Variants in FANCC observed in about 807,000 individuals in gnomAD.
FANCC encodes FA complementation group C.
A neutral mutation model predicts 71.3 loss-of-function variants in FANCC; 55 were observed. That is an observed-to-expected ratio of 0.77 (90% CI 0.62 to 0.97). FANCC has a LOEUF of 0.97. Ranked by LOEUF, FANCC falls within the 50% of genes least tolerant of loss-of-function variation. FANCC has a pLI of 0.00. For synonymous variants in FANCC, 275 were observed against 244.9 expected, an observed-to-expected ratio of 1.12 and a Z score of -1.15; for missense variants, 678 against 670.9, an observed-to-expected ratio of 1.01 and a Z score of -0.12.
At chr9:95,182,980 T>C (rs1408109007) in intron 4 of FANCC, among the ~76,000 whole-genome samples, 2 of 152,024 alleles carry the variant, frequency 1.3e-5, no homozygotes, top group Admixed American at 6.6e-5. Flanking sequence ...AGCCTGCCCC[T>C]ACATGGCCTC....
chr9:95,245,419 A>G (rs1830903252), intron 3 of FANCC, among the ~76,000 whole-genome samples: 2 of 152,050 alleles, frequency 1.3e-5, no homozygotes, highest in African/African-American at 2.4e-5. Flanking sequence ...TGAGAATAGT[A>G]CCAAACCTTA....
chr9:95,107,476 G>A (rs552644905), intron 13 of FANCC: 92 of 630,554 alleles, frequency 1.5e-4, no homozygotes, highest in Admixed American at 3.3e-4. Context: ...CTTTCGTCTT[G>A]CTCACCAAGC....
At chr9:95,260,424 G>A (rs925753031) in intron 1 of FANCC, among the ~76,000 whole-genome samples, 1 of 152,140 alleles carries the variant, frequency 6.6e-6, no homozygotes, top group Non-Finnish European at 1.5e-5. Context: ...GTCATTCTCA[G>A]CAACCAACAC....
At chr9:95,296,315 T>C (rs191205836) in intron 1 of FANCC, among the ~76,000 whole-genome samples, 34 of 151,992 alleles carry the variant, frequency 2.2e-4, no homozygotes, top group Non-Finnish European at 3.7e-4. Context: ...GCCTGAAAAA[T>C]AGAAAAGTAG....
chr9:95,141,740 C>A (rs1450561095), intron 7 of FANCC, among the ~76,000 whole-genome samples: 1 of 152,062 alleles, frequency 6.6e-6, no homozygotes, highest in East Asian at 1.9e-4. Flanking sequence ...ACTACTAATA[C>A]ATAAGTTAGT....
intron 6 of FANCC, among the ~76,000 whole-genome samples, chr9:95,152,461 C>T (rs1352182262): frequency 6.6e-6 from 1 of 152,158 alleles, no homozygotes; most frequent in Non-Finnish European, 1.5e-5. Context: ...AAGCAAAGGC[C>T]CTCAGCATCT....
At chr9:95,170,637 C>CTTGTGTGTGT (rs1554842444) in intron 6 of FANCC, among the ~76,000 whole-genome samples, 1 of 124,290 alleles carries the variant, frequency 8.0e-6, no homozygotes, top group African/African-American at 3.0e-5. Flanking sequence ...TTGTAAATAT[C>CTTGTGTGTGT]GTGTGTGTGT....
intron 6 of FANCC, among the ~76,000 whole-genome samples, chr9:95,160,793 G>A (rs1830700288): frequency 1.3e-5 from 2 of 152,114 alleles, no homozygotes; most frequent in Admixed American, 1.3e-4. Context: ...TGTAGCAATT[G>A]TGAGTGGGAG....
rs879492 is a variant in FANCC at position 95,111,057 on chromosome 9, G to A, written c.1329+406C>T. ...GTCAAGATGGAAGCAAGCCCTGGCC[G>A]GGCTGCTGGGGAGCGAGACAGGGCC... On this transcript the variant is annotated intron_variant, in intron 13 of 14. Transcript: ENST00000289081. 0.4 allele frequency: 596,468 copies of A among 1,475,486 alleles called. 123,342 individuals are homozygous for A. Among genetic ancestry groups the A allele is most frequent in the East Asian group, 0.57 (22,985 of 40,194 alleles). 91.4% of individuals were successfully genotyped at this position (1,475,486 alleles called of 1,614,324 possible).
chr9:95,278,502 A>C (rs1020399724), intron 1 of FANCC, among the ~76,000 whole-genome samples: 2 of 152,176 alleles, frequency 1.3e-5, no homozygotes, highest in Non-Finnish European at 2.9e-5. Flanking sequence ...CTCTCCACCC[A>C]ACAACAGAAC....
At chr9:95,288,566 G>C (rs1366353786) in intron 1 of FANCC, among the ~76,000 whole-genome samples, 1 of 152,008 alleles carries the variant, frequency 6.6e-6, no homozygotes, top group Non-Finnish European at 1.5e-5. Flanking sequence ...GTTCTTATAG[G>C]TCAACTGAGT....
At chr9:95,181,404 T>C (rs1309817323) in intron 4 of FANCC, among the ~76,000 whole-genome samples, 3 of 152,196 alleles carry the variant, frequency 2.0e-5, no homozygotes, top group Non-Finnish European at 4.4e-5. Flanking sequence ...TAAATATTGA[T>C]GAGCATTTCT....
chr9:95,169,291 A>G (rs1465364676), intron 6 of FANCC, among the ~76,000 whole-genome samples: 2 of 152,322 alleles, frequency 1.3e-5, no homozygotes, highest in African/African-American at 4.8e-5. Flanking sequence ...ATCATATATG[A>G]TAAGTGCTTA....
At chr9:95,129,103 G>T (rs1428568654) in intron 8 of FANCC, among the ~76,000 whole-genome samples, 1 of 151,854 alleles carries the variant, frequency 6.6e-6, no homozygotes, top group East Asian at 1.9e-4. Context: ...GGGTTTCACC[G>T]TGTTGGCCAG....
chr9:95,246,045 T>C (rs1830954626), intron 3 of FANCC, among the ~76,000 whole-genome samples: 2 of 152,218 alleles, frequency 1.3e-5, no homozygotes, highest in African/African-American at 4.8e-5. Flanking sequence ...TCACTGTGTG[T>C]GTGCATATCC....
chr9:95,275,853 C>G (rs545467968), intron 1 of FANCC, among the ~76,000 whole-genome samples: 1 of 151,952 alleles, frequency 6.6e-6, no homozygotes, highest in Admixed American at 6.5e-5. Context: ...ACCTCAGTCT[C>G]TAAAAAGAAA....
intron 4 of FANCC, among the ~76,000 whole-genome samples, chr9:95,235,752 G>C (rs189958597): frequency 3.4e-5 from 5 of 147,434 alleles, no homozygotes; most frequent in Admixed American, 6.9e-5. Flanking sequence ...GCTGAGACAG[G>C]AGAGCTGCTT....
intron 11 of FANCC, among the ~76,000 whole-genome samples, chr9:95,114,986 G>A (rs2072270461): frequency 6.6e-6 from 1 of 152,168 alleles, no homozygotes; most frequent in African/African-American, 2.4e-5. Context: ...TTGGTCAGAG[G>A]CTGGAGTGCA....
intron 3 of FANCC, among the ~76,000 whole-genome samples, chr9:95,243,511 G>A (rs746363347): frequency 1.3e-5 from 2 of 151,996 alleles, no homozygotes; most frequent in African/African-American, 2.4e-5. Flanking sequence ...TGGGCCAGGC[G>A]TGGTGGTTCA....
Sources: allele counts gnomAD v4.1 joint callset (sites outside exome capture counted in the v4.1 genomes callset), GRCh38; gene constraint gnomAD v4.1.1; transcripts MANE v1.5; gene names NCBI Gene and HGNC (gene_info 2026-07-23, HGNC 2026-07-21).